The following MAP3K14 variants were observed in gnomAD, a reference collection of about 807,000 sequenced individuals.
MAP3K14 encodes mitogen-activated protein kinase kinase kinase 14.
MAP3K14 carries 16 observed loss-of-function variants against 99.2 expected under a neutral mutation model. That is an observed-to-expected ratio of 0.16 (90% CI 0.11 to 0.24). The LOEUF is 0.24. Ranked by LOEUF, MAP3K14 falls within the 10% of genes least tolerant of loss-of-function variation. The pLI is 1.00. For missense variants in MAP3K14, 784 were observed against 1,208.7 expected, an observed-to-expected ratio of 0.65 and a Z score of 5.21; for synonymous variants, 462 against 492.4, an observed-to-expected ratio of 0.94 and a Z score of 0.82.
At chr17:45,278,986 A>C (rs974483189) in intron 6 of MAP3K14, among the ~76,000 whole-genome samples, 2 of 152,062 alleles carry the variant, frequency 1.3e-5, no homozygotes, top group Non-Finnish European at 2.9e-5. Flanking sequence ...TTTAAAATAC[A>C]CTTAGGACTG....
intron 1 of MAP3K14, among the ~76,000 whole-genome samples, chr17:45,305,754 G>C (rs1254228404): frequency 6.6e-6 from 1 of 152,174 alleles, no homozygotes; most frequent in Non-Finnish European, 1.5e-5. Flanking sequence ...ACCTCCCACA[G>C]CTTCTAGCCA....
intron 1 of MAP3K14, among the ~76,000 whole-genome samples, chr17:45,302,673 G>C (rs2044399659): frequency 6.6e-6 from 1 of 152,224 alleles, no homozygotes; most frequent in South Asian, 2.1e-4. Flanking sequence ...GAGAATTTAG[G>C]AAGCATTAGG....
intron 1 of MAP3K14, among the ~76,000 whole-genome samples, chr17:45,296,205 C>G (rs1263675342): frequency 6.6e-6 from 1 of 152,172 alleles, no homozygotes; most frequent in Non-Finnish European, 1.5e-5. Flanking sequence ...CACCAGGCCA[C>G]AATAGGCAAA....
At chr17:45,299,798 A>C (rs995078811) in intron 1 of MAP3K14, among the ~76,000 whole-genome samples, 15 of 152,106 alleles carry the variant, frequency 9.9e-5, no homozygotes, top group African/African-American at 3.4e-4. Context: ...GCCCTCAAAA[A>C]CTCAGTCTCG....
In MAP3K14 at chr17:45,286,488, G is replaced by A. The variant is rs1178387470; in HGVS notation, c.1095C>T (p.Ser365=). ...TTTTGGGGCTGGGCTCCCGGGATCT[G>A]GAGCCCCTTGCTGCCCAGGTCTTGG... ...SLAKTWAARG[S]RSREPSPKTE... Residue 365 remains serine, a synonymous_variant, in exon 5 of 16, where the codon TCC becomes TCT. Transcript: ENST00000344686. The surrounding 1 kb of genome is among the most constrained non-coding windows in gnomAD (Gnocchi z 4.1). The A allele has an allele frequency of 4.4e-6, 7 of 1,604,326 alleles. No homozygotes were observed. Among genetic ancestry groups the A allele is most frequent in the Non-Finnish European group, 6.0e-6 (7 of 1,175,270 alleles).
chr17:45,264,548 A>G lies in MAP3K14; in HGVS notation c.*88T>C, dbSNP rs2044054694. 3.5e-6 allele frequency: 5 copies of G among 1,420,784 alleles called. No homozygotes were observed. The Admixed American group carries it at 1.3e-4, about 37-fold the overall frequency. The allele number at this position is 1,420,784 out of a possible 1,614,324, so 88.0% of individuals were successfully genotyped here. A position where few individuals can be genotyped will look rare whatever the true frequency, so the allele number is the denominator to read the frequency against. On this transcript the variant is annotated 3_prime_UTR_variant, in exon 16 of 16. Coordinates refer to ENST00000344686, the MANE Select transcript of MAP3K14 (RefSeq NM_003954.5). The stretch of plus-strand genomic sequence containing the variant: ...AGCCGGGGGCTGGCAGATCCCTGGG[A>G]ACGGCTGAGCCTGTGTTTCAGGGCA...
At chr17:45,266,090 T>C (rs1407722303) in intron 14 of MAP3K14, among the ~76,000 whole-genome samples, 3 of 152,230 alleles carry the variant, frequency 2.0e-5, no homozygotes, top group African/African-American at 7.2e-5. Flanking sequence ...TCATAACCTA[T>C]GCAATCAAGC....
chr17:45,290,554 C>T lies in MAP3K14; in HGVS notation c.192G>A (p.Lys64=), dbSNP rs1479553864. ...KWEILNDVIT[K]GTAKEGSEAG... is the part of the protein sequence containing the mutation. ...CCTCGGAGCCTTCCTTGGCTGTGCC[C>T]TTGGTAATCACGTCATTCAGGATCT... The change falls in exon 2 of 16, where the codon AAG becomes AAA. Residue 64 remains lysine, a synonymous_variant. Coordinates refer to ENST00000344686, the MANE Select transcript of MAP3K14 (RefSeq NM_003954.5). 1 of 1,613,914 alleles carries T rather than the reference C, an allele frequency of 6.2e-7. No homozygotes were observed.
At chr17:45,265,035 T>C (rs532970671) in intron 15 of MAP3K14, 128 bp downstream of exon 15, 1 of 876,716 alleles carries the variant, frequency 1.1e-6, no homozygotes, top group East Asian at 2.6e-5. Flanking sequence ...CTGGGGGACG[T>C]TGAAGGCCAA....
intron 1 of MAP3K14, among the ~76,000 whole-genome samples, chr17:45,305,668 C>T (rs1454721517): frequency 6.6e-6 from 1 of 152,192 alleles, no homozygotes. Context: ...TCCCAAAGTG[C>T]TAGGATTACA....
intron 6 of MAP3K14, 100 bp downstream of exon 6, chr17:45,284,712 C>T (rs2044250074): frequency 2.1e-6 from 3 of 1,424,682 alleles, no homozygotes; most frequent in Admixed American, 2.6e-5. Flanking sequence ...CAAGTCAGAC[C>T]CACGGCCACC....
At chr17:45,290,983 A>G (rs901989281) in intron 1 of MAP3K14, 2 of 521,580 alleles carry the variant, frequency 3.8e-6, no homozygotes, top group Non-Finnish European at 6.9e-6. Context: ...CGGTCCTCCC[A>G]GTACCACAAC....
chr17:45,282,881 C>T (rs1433140403), intron 6 of MAP3K14, among the ~76,000 whole-genome samples: 2 of 152,320 alleles, frequency 1.3e-5, no homozygotes, highest in East Asian at 3.9e-4. Context: ...AAAGCAGGGG[C>T]TGTCTGCCCA....
At chr17:45,289,038 G>A (rs1013671472) in intron 3 of MAP3K14, among the ~76,000 whole-genome samples, 198 bp downstream of exon 3, 4 of 152,228 alleles carry the variant, frequency 2.6e-5, no homozygotes, top group African/African-American at 9.6e-5. Context: ...TCAGCCACAA[G>A]CTGTGAAAAG....
rs754839854 is a variant in MAP3K14, at chr17:45,286,941, G to A, written c.642C>T (p.Gly214=). 20 of 1,613,914 alleles carry A rather than the reference G, an allele frequency of 1.2e-5. No homozygotes were observed. The highest frequency in any genetic ancestry group is 1.7e-5 in the Admixed American group (1 of 60,000). Residue 214 remains glycine (G), a synonymous_variant, in exon 5 of 16, where the codon GGC becomes GGT. Transcript: ENST00000344686. The surrounding 1 kb of genome is among the most constrained non-coding windows in gnomAD (Gnocchi z 4.1). ...GAGGCAGAGCCGGCCGTAGGCCCTC[G>A]CCAAGCTGCTTAAAACAGAGTTGCC... ...GLGQLCFKQL[G]EGLRPALPRS...
chr17:45,296,545 G>A (rs2044347908), intron 1 of MAP3K14, among the ~76,000 whole-genome samples: 1 of 149,928 alleles, frequency 6.7e-6, no homozygotes. Context: ...AAAAGGAGGG[G>A]AAAAAAAAAG....
At chr17:45,301,996 AT>A (rs2044392003) in intron 1 of MAP3K14, among the ~76,000 whole-genome samples, 1 of 151,792 alleles carries the variant, frequency 6.6e-6, no homozygotes, top group Non-Finnish European at 1.5e-5. Flanking sequence ...CGCTTGGCTA[AT>A]TTTTTGTATT....
chr17:45,299,517 G>A (rs981673531), intron 1 of MAP3K14, among the ~76,000 whole-genome samples: 1 of 152,150 alleles, frequency 6.6e-6, no homozygotes, highest in Non-Finnish European at 1.5e-5. Flanking sequence ...TCCCTCAGGC[G>A]GAGAAGGAGA....
intron 1 of MAP3K14, among the ~76,000 whole-genome samples, chr17:45,315,352 G>A (rs967922888): frequency 2.6e-5 from 4 of 152,092 alleles, no homozygotes; most frequent in Non-Finnish European, 4.4e-5. Context: ...GCTTGGCAGC[G>A]TCTTGCTGTC....
Sources: gnomAD v4.1 joint callset for allele counts (sites outside exome capture counted in the v4.1 genomes callset) on GRCh38, gnomAD v4.1.1 for gene constraint, Gnocchi (gnomAD v3.1) non-coding constraint, MANE v1.5 for transcripts, NCBI Gene and HGNC (gene_info 2026-07-23, HGNC 2026-07-21) for gene names.